Variants in ADAMTS7 observed in about 807,000 individuals in gnomAD.
ADAMTS7 encodes A disintegrin and metalloproteinase with thrombospondin motifs 7.
Under a neutral mutation model 172.6 loss-of-function variants are expected in ADAMTS7, and 89 were observed. The ratio of observed to expected loss-of-function variants is 0.52; its 90% CI spans 0.43 to 0.61. The LOEUF is 0.61. Ranked by LOEUF, ADAMTS7 falls within the 20% of genes least tolerant of loss-of-function variation. The pLI, the probability that ADAMTS7 is intolerant of heterozygous loss-of-function variation, is 0.00. For synonymous variants in ADAMTS7, 885 were observed against 978.4 expected, an observed-to-expected ratio of 0.90 and a Z score of 1.78; for missense variants, 1,973 against 2,355.6, an observed-to-expected ratio of 0.84 and a Z score of 3.36.
At chr15:78,796,256 G>T (rs928150663) in intron 4 of ADAMTS7, among the ~76,000 whole-genome samples, 3 of 152,174 alleles carry the variant, frequency 2.0e-5, no homozygotes, top group Non-Finnish European at 4.4e-5. Context: ...AAGTATCTGT[G>T]CAGGGAAACA....
intron 14 of ADAMTS7, 107 bp downstream of exon 14, chr15:78,772,976 C>G (rs1329507929): frequency 3.0e-5 from 43 of 1,415,666 alleles, no homozygotes; most frequent in Non-Finnish European, 4.0e-5. Flanking sequence ...TTAGCCATCT[C>G]CAGGCTGGGT....
intron 2 of ADAMTS7, 61 bp from the exon 3 acceptor site, chr15:78,798,174 G>T: frequency 2.0e-6 from 3 of 1,469,884 alleles, no homozygotes; most frequent in East Asian, 5.1e-5. Flanking sequence ...CTTCTTGCAC[G>T]TCCCAGAGGC....
intron 8 of ADAMTS7, among the ~76,000 whole-genome samples, chr15:78,787,617 T>C (rs200933431): frequency 6.6e-6 from 1 of 152,098 alleles, no homozygotes; most frequent in East Asian, 1.9e-4. Flanking sequence ...TGAGTCAAGA[T>C]CGTGCCATTG....
At chr15:78,782,747 G>T (rs1168575969) in intron 8 of ADAMTS7, among the ~76,000 whole-genome samples, 4 of 152,128 alleles carry the variant, frequency 2.6e-5, no homozygotes, top group Admixed American at 6.5e-5. Flanking sequence ...CTCAGGAATG[G>T]AGTTTCCAGG....
intron 1 of ADAMTS7, 99 bp downstream of exon 1, chr15:78,811,022 C>A: frequency 8.6e-7 from 1 of 1,168,944 alleles, no homozygotes; most frequent in Non-Finnish European, 1.1e-6. Flanking sequence ...CACAGCGGAG[C>A]CGGCGCGGGG....
chr15:78,774,035 G>A, intron 13 of ADAMTS7, 132 bp downstream of exon 13: 1 of 1,414,522 alleles, frequency 7.1e-7, no homozygotes, highest in South Asian at 1.3e-5. Context: ...AGGACCAGGA[G>A]GGACCCAGGA....
At chr15:78,788,015 G>A (rs2055529412) in intron 8 of ADAMTS7, among the ~76,000 whole-genome samples, 2 of 152,134 alleles carry the variant, frequency 1.3e-5, no homozygotes, top group South Asian at 4.1e-4. Flanking sequence ...TGGGATGCCG[G>A]CACCACATCT....
chr15:78,760,843 C>T (rs1475346999), intron 23 of ADAMTS7, among the ~76,000 whole-genome samples: 3 of 152,086 alleles, frequency 2.0e-5, no homozygotes, highest in Non-Finnish European at 4.4e-5. Flanking sequence ...CCATAGCCCA[C>T]TCCCTGCAGC....
At position 78,782,961 on chromosome 15, in the gene ADAMTS7, C is replaced by T. The variant is rs181470000; in HGVS notation, c.1322+5270G>A. ...GGAATGGTAGACATACATGAAGGCC[C>T]AAGGCAGAAGGACCTACAGAGAAAA... is the stretch of plus-strand genomic sequence containing the variant. On this transcript the variant is annotated intron_variant, in intron 8 of 23. Coordinates refer to ENST00000388820, the MANE Select transcript of ADAMTS7 (RefSeq NM_014272.5). 1.9e-4 allele frequency among the ~76,000 whole-genome samples: 28 copies of T among 150,806 alleles called. 1 individual carries two copies. Among genetic ancestry groups the T allele is most frequent in the Admixed American group, 1.7e-3 (25 of 15,060 alleles).
At chr15:78,760,916 G>T (rs2055033156) in intron 23 of ADAMTS7, among the ~76,000 whole-genome samples, 1 of 152,080 alleles carries the variant, frequency 6.6e-6, no homozygotes, top group South Asian at 2.1e-4. Flanking sequence ...TCCGTCCTTG[G>T]TTCTAGGCCC....
chr15:78,773,993 C>T (rs1384939597), intron 13 of ADAMTS7, among the ~76,000 whole-genome samples, 174 bp downstream of exon 13: 2 of 152,118 alleles, frequency 1.3e-5, no homozygotes, highest in Non-Finnish European at 2.9e-5. Flanking sequence ...CTGGGAAGCC[C>T]GATGGTAGAG....
chr15:78,766,634 C>G lies in ADAMTS7; in HGVS notation c.3277G>C (p.Asp1093His), dbSNP rs375158291. 1.9e-4 allele frequency: 307 copies of G among 1,609,448 alleles called. 3 individuals are homozygous for G. Among genetic ancestry groups the G allele is most frequent in the Non-Finnish European group, 2.5e-4 (293 of 1,179,088 alleles). ...TGGCTGTGTGGTGGGGGTGTCCGGTCCCCTGTCCCCGCCAGGTCTAGATCG... is the reference window on the plus strand; with the variant it reads ...TGGCTGTGTGGTGGGGGTGTCCGGTGCCCTGTCCCCGCCAGGTCTAGATCG... Reference protein sequence around the residue: ...EPDLDLAGTGDRTPPPHSHPA... With the variant: ...EPDLDLAGTGHRTPPPHSHPA... Residue 1093 changes from aspartate (D) to histidine (H), a missense_variant, in exon 19 of 24, where the codon GAC becomes CAC. This residue lies in a region of ADAMTS7 where 771 missense variants were observed against 952.6 expected (regional missense o/e 0.81). Transcript: ENST00000388820.
At position 78,800,456 on chromosome 15, in the gene ADAMTS7, G is replaced by C. The variant is rs545729024; in HGVS notation, c.192C>G (p.Pro64=). Residue 64 remains proline (P), a synonymous_variant, in exon 2 of 24, where the codon CCC becomes CCG. Transcript: ENST00000388820. The part of the protein sequence containing the change: ...GGSFLSYELW[P]RALRKRDVSV... ...ATACATCCCGCTTGCGCAGTGCGCG[G>C]GGCCACAGCTCGTAGGACAGGAAGG... 2 of 1,611,082 alleles carry C rather than the reference G, an allele frequency of 1.2e-6. No individual in the cohort carries two copies. Among genetic ancestry groups the C allele is most frequent in the East Asian group, 2.2e-5 (1 of 44,814 alleles).
At chr15:78,770,185 T>A (rs117406735) in intron 16 of ADAMTS7, among the ~76,000 whole-genome samples, 4 of 149,958 alleles carry the variant, frequency 2.7e-5, no homozygotes, top group South Asian at 2.1e-4. Flanking sequence ...TAAAATAAAA[T>A]AAATAAAATA....
At chr15:78,797,722 G>A (rs1357286841) in intron 3 of ADAMTS7, among the ~76,000 whole-genome samples, 3 of 152,236 alleles carry the variant, frequency 2.0e-5, no homozygotes, top group African/African-American at 4.8e-5. Flanking sequence ...GAGATGGAGC[G>A]AGGAAGGTCA....
chr15:78,794,220 CAA>C (rs1020479868), intron 4 of ADAMTS7, among the ~76,000 whole-genome samples: 5 of 152,116 alleles, frequency 3.3e-5, no homozygotes, highest in African/African-American at 1.2e-4. Context: ...GCCTGGGTGA[CAA>C]GAGTGAAATT....
intron 1 of ADAMTS7, among the ~76,000 whole-genome samples, chr15:78,804,470 C>T (rs961816505): frequency 1.3e-5 from 2 of 152,178 alleles, no homozygotes; most frequent in African/African-American, 4.8e-5. Context: ...CGACAATAGA[C>T]TCTTCAGGCT....
At chr15:78,797,868 G>A in intron 3 of ADAMTS7, 80 bp downstream of exon 3, 2 of 1,504,240 alleles carry the variant, frequency 1.3e-6, no homozygotes, top group East Asian at 2.4e-5. Context: ...GCATGGGGAT[G>A]TTAAGGGGGG....
chr15:78,785,419 G>A (rs2055487803), intron 8 of ADAMTS7, among the ~76,000 whole-genome samples: 1 of 151,792 alleles, frequency 6.6e-6, no homozygotes, highest in East Asian at 1.9e-4. Context: ...AGGGGTGGCA[G>A]GTGCCTGTAA....
Sources: allele counts gnomAD v4.1 joint callset (sites outside exome capture counted in the v4.1 genomes callset), GRCh38; gene constraint gnomAD v4.1.1; regional missense constraint gnomAD v4.1.1; transcripts MANE v1.5; gene names NCBI Gene and HGNC (gene_info 2026-07-23, HGNC 2026-07-21).